The following BEST3 variants were observed in gnomAD, a reference collection of about 807,000 sequenced individuals.
BEST3 encodes bestrophin-3.
BEST3 carries 50 observed loss-of-function variants against 47.1 expected under a neutral mutation model. The observed-to-expected ratio is 1.06, with a 90% CI of 0.85 to 1.34. The LOEUF (loss-of-function observed/expected upper bound fraction) is 1.34. BEST3 is among the 40% of genes most tolerant of loss of function. The pLI is 0.00. For missense variants in BEST3, 765 were observed against 817.0 expected, an observed-to-expected ratio of 0.94 and a Z score of 0.78; for synonymous variants, 282 against 298.8, an observed-to-expected ratio of 0.94 and a Z score of 0.58.
chr12:69,692,949 G>C (rs1397423244), intron 4 of BEST3, among the ~76,000 whole-genome samples: 1 of 152,118 alleles, frequency 6.6e-6, no homozygotes, highest in Non-Finnish European at 1.5e-5. Flanking sequence ...TTTTAGTAGA[G>C]ACAGGGTTTC....
At position 69,654,616 on chromosome 12, in the gene BEST3, T is replaced by G; in HGVS notation, c.*291A>C. The G allele has an allele frequency of 8.9e-7, 1 of 1,126,846 alleles. No homozygotes were observed. The highest frequency in any genetic ancestry group is 1.6e-5 in the African/African-American group (1 of 62,918). 69.8% of individuals were successfully genotyped at this position (1,126,846 alleles called of 1,614,324 possible). A position where few individuals can be genotyped will look rare whatever the true frequency, so the allele number is the denominator to read the frequency against. ...TAATAATCTATGAATTTATAAGTCA[T>G]GTATGTTTTTCAGATTCCTTTTTTT... On this transcript the variant is annotated 3_prime_UTR_variant, in exon 10 of 10. Coordinates refer to ENST00000330891, the MANE Select transcript of BEST3 (RefSeq NM_032735.3).
chr12:69,649,642 T>C (rs1427298767), downstream of BEST3, among the ~76,000 whole-genome samples: 1 of 152,222 alleles, frequency 6.6e-6, no homozygotes, highest in African/African-American at 2.4e-5. Flanking sequence ...TCAAACTTGG[T>C]ATATTGGGCC....
At chr12:69,672,625 G>C (rs1022959369) in intron 8 of BEST3, among the ~76,000 whole-genome samples, 33 of 152,158 alleles carry the variant, frequency 2.2e-4, no homozygotes, top group Admixed American at 2.0e-3. Context: ...GATGAAAGAG[G>C]CTGGAAAAAG....
At chr12:69,682,098 A>G (rs1885290650) in intron 4 of BEST3, among the ~76,000 whole-genome samples, 1 of 150,622 alleles carries the variant, frequency 6.6e-6, no homozygotes, top group African/African-American at 2.4e-5. Context: ...AAAAAAAAAA[A>G]GAAGAAAATA....
At chr12:69,659,789 C>A (rs1883760548) in intron 9 of BEST3, among the ~76,000 whole-genome samples, 2 of 151,958 alleles carry the variant, frequency 1.3e-5, no homozygotes, top group Admixed American at 1.3e-4. Context: ...TCCTGAGGCT[C>A]AATATAATAC....
chr12:69,695,301 A>G (rs1327249226), intron 2 of BEST3, among the ~76,000 whole-genome samples: 1 of 152,208 alleles, frequency 6.6e-6, no homozygotes, highest in Non-Finnish European at 1.5e-5. Flanking sequence ...AACTCAAGGA[A>G]AGATCCATTA....
At chr12:69,685,480 G>T (rs1885525031) in intron 4 of BEST3, among the ~76,000 whole-genome samples, 1 of 152,214 alleles carries the variant, frequency 6.6e-6, no homozygotes, top group South Asian at 2.1e-4. Flanking sequence ...GGTCTGGGGA[G>T]TTTTGAAAAA....
intron 7 of BEST3, among the ~76,000 whole-genome samples, chr12:69,675,120 G>T (rs753347333): frequency 3.0e-4 from 46 of 151,228 alleles, no homozygotes; most frequent in Middle Eastern, 3.4e-3. Flanking sequence ...TGTCTTTTAA[G>T]ATTTATTTTT....
chr12:69,663,722 G>A (rs910906159), intron 9 of BEST3, among the ~76,000 whole-genome samples: 16 of 152,158 alleles, frequency 1.1e-4, no homozygotes, highest in Admixed American at 2.6e-4. Context: ...TCAGGAGGCT[G>A]AGGCAGGAAG....
At chr12:69,647,838 C>A (rs1883087739) in intron 9 of BEST3, among the ~76,000 whole-genome samples, 3 of 152,114 alleles carry the variant, frequency 2.0e-5, no homozygotes, top group African/African-American at 7.2e-5. Context: ...AAGACCACCA[C>A]AATGTCTGAA....
At chr12:69,646,959 A>G (rs754277847) in intron 9 of BEST3, among the ~76,000 whole-genome samples, 2 of 152,198 alleles carry the variant, frequency 1.3e-5, no homozygotes, top group Non-Finnish European at 2.9e-5. Flanking sequence ...GATGAGATTC[A>G]TTCACTTCTG....
Position 69,655,880 on chromosome 12 carries a change from C to T in BEST3, c.1101-67G>A, listed in dbSNP as rs1593133247. 3 of 1,511,124 alleles carry T rather than the reference C, an allele frequency of 2.0e-6. No individual in the cohort carries two copies. In the East Asian group the frequency reaches 6.8e-5, roughly 34 times the overall value. 93.6% of individuals were successfully genotyped at this position (1,511,124 alleles called of 1,614,324 possible). A position where few individuals can be genotyped will look rare whatever the true frequency, so the allele number is the denominator to read the frequency against. Reference sequence around the variant, plus strand: ...GGGCCTAGCTTTGGGGGCAGAGTCTCAAAGTTAAGAGATGACTTTGGTATT... The same window carrying T: ...GGGCCTAGCTTTGGGGGCAGAGTCTTAAAGTTAAGAGATGACTTTGGTATT... On this transcript the variant is annotated intron_variant, in intron 9 of 9. Transcript: ENST00000330891.
chr12:69,677,694 T>C (rs1275783728), intron 5 of BEST3, among the ~76,000 whole-genome samples: 1 of 152,082 alleles, frequency 6.6e-6, no homozygotes, highest in Non-Finnish European at 1.5e-5. Flanking sequence ...GGTGGGAGAA[T>C]CACTTGAGTA....
intron 4 of BEST3, among the ~76,000 whole-genome samples, chr12:69,689,957 T>C (rs1027563362): frequency 1.3e-5 from 2 of 151,936 alleles, no homozygotes; most frequent in African/African-American, 4.8e-5. Flanking sequence ...AGAAAAAGGG[T>C]TTAAAAAATA....
intron 4 of BEST3, among the ~76,000 whole-genome samples, chr12:69,686,771 C>CAAAAAACAAAAAAA (rs1885616519): frequency 2.0e-5 from 1 of 49,938 alleles, no homozygotes; most frequent in Non-Finnish European, 3.4e-5. Context: ...GATTCTGCCT[C>CAAAAAACAAAAAAA]AAAAAAACAA....
chr12:69,678,708 G>T, intron 5 of BEST3, 31 bp downstream of exon 5: 1 of 1,604,060 alleles, frequency 6.2e-7, no homozygotes, highest in Non-Finnish European at 8.5e-7. Flanking sequence ...TCTAATTAGC[G>T]TATTTTTCTT....
At chr12:69,693,245 C>CTTTTTTTTTT (rs71094730) in intron 4 of BEST3, among the ~76,000 whole-genome samples, 1 of 136,664 alleles carries the variant, frequency 7.3e-6, no homozygotes, top group Non-Finnish European at 1.5e-5. Flanking sequence ...CTCTCTCTCT[C>CTTTTTTTTTT]TTTTTTTTTT....
chr12:69,699,233 G>A lies in BEST3; in HGVS notation c.-44C>T. ...TTTATTTGGTTTGTAGTCTCCGACA[G>A]GAAAGAGAATCTTCAAATTTCGGGC... On this transcript the variant is annotated 5_prime_UTR_variant, in exon 1 of 10. Transcript: ENST00000330891. 1 of 985,462 alleles carries A rather than the reference G, an allele frequency of 1.0e-6. No homozygotes were observed. Among genetic ancestry groups the A allele is most frequent in the African/African-American group, 1.7e-5 (1 of 57,362 alleles). The allele number at this position is 985,462 out of a possible 1,614,324, so 61.0% of individuals were successfully genotyped here.
chr12:69,656,136 G>C (rs1446213469), intron 9 of BEST3, among the ~76,000 whole-genome samples: 1 of 152,206 alleles, frequency 6.6e-6, no homozygotes, highest in African/African-American at 2.4e-5. Context: ...ACTGCTAAGT[G>C]ATGACATCAC....
Sources: allele counts gnomAD v4.1 joint callset (sites outside exome capture counted in the v4.1 genomes callset), GRCh38; gene constraint gnomAD v4.1.1; transcripts MANE v1.5; gene names NCBI Gene and HGNC (gene_info 2026-07-23, HGNC 2026-07-21).